The following SVEP1 variants were observed in gnomAD, a reference collection of about 807,000 sequenced individuals.
SVEP1 encodes sushi, von Willebrand factor type A, EGF and pentraxin domain-containing protein 1.
A neutral mutation model predicts 367.3 loss-of-function variants in SVEP1; 164 were observed. The observed-to-expected ratio is 0.45, with a 90% CI of 0.39 to 0.51. The LOEUF (loss-of-function observed/expected upper bound fraction) is 0.51, where lower values mean the gene tolerates loss of function less well. SVEP1 is among the 20% of genes least tolerant of loss of function. The probability of loss-of-function intolerance (pLI) is 0.00; values close to 1 mark genes in which losing one functional copy is unlikely to be tolerated. For synonymous variants in SVEP1, 1,666 were observed against 1,611.6 expected (o/e 1.03, Z -0.81); for missense variants, 4,117 against 4,425.3 (o/e 0.93, Z 1.98).
chr9:110,513,702 T>C (rs1829757588), intron 4 of SVEP1, among the ~76,000 whole-genome samples: 1 of 152,224 alleles, frequency 6.6e-6, no homozygotes, highest in Non-Finnish European at 1.5e-5. Flanking sequence ...TTCCAAGTAC[T>C]AAGCCTTTCT....
rs61998196 is a variant in SVEP1 at position 110,513,077 on chromosome 9, G to A, written c.1152C>T (p.Pro384=). 0.023 allele frequency: 36,733 copies of A among 1,613,786 alleles called. 678 individuals are homozygous for A. The highest frequency in any genetic ancestry group is 0.07 in the South Asian group (6,344 of 91,070). The change falls in exon 5 of 48, where the codon CCC becomes CCT. Residue 384 remains proline (P), a synonymous_variant. Coordinates refer to ENST00000374469, the MANE Select transcript of SVEP1 (RefSeq NM_153366.4). ...TGTTTTGGATAAAGTAACCATTTTC[G>A]GGAGGCTTCAGGGCAGGGCAGTGGA... ...ELVHCPALKP[P]ENGYFIQNTC...
Position 110,483,700 on chromosome 9 carries a change from A to C in SVEP1, c.1931-7T>G, listed in dbSNP as rs1829234018. ...ATGACAGGTGGTTCTGCATCTGAAG[A>C]ACATGAAATCAGACAAAGAAGTCAC... On this transcript the variant is annotated splice_region_variant and splice_polypyrimidine_tract_variant and intron_variant, in intron 9 of 47. Coordinates refer to ENST00000374469, the MANE Select transcript of SVEP1 (RefSeq NM_153366.4). 3.2e-6 allele frequency: 5 copies of C among 1,577,522 alleles called. No individual in the cohort carries two copies. The highest frequency in any genetic ancestry group is 4.3e-6 in the Non-Finnish European group (5 of 1,162,960).
intron 42 of SVEP1, 121 bp downstream of exon 42, chr9:110,387,164 A>G: frequency 1.0e-6 from 1 of 956,294 alleles, no homozygotes; most frequent in Non-Finnish European, 1.5e-6. Flanking sequence ...TTGGATAGGC[A>G]TTAATTGCTT....
At chr9:110,538,168 A>G (rs1348711961) in intron 3 of SVEP1, among the ~76,000 whole-genome samples, 1 of 152,010 alleles carries the variant, frequency 6.6e-6, no homozygotes, top group Non-Finnish European at 1.5e-5. Context: ...TGGAAAATGC[A>G]CTATCAGGGC....
Position 110,379,392 on chromosome 9 carries a change from C to T in SVEP1, c.10363G>A (p.Val3455Ile). The T allele has an allele frequency of 1.9e-6, 3 of 1,613,730 alleles. No homozygotes were observed. The highest frequency in any genetic ancestry group is 2.5e-6 in the Non-Finnish European group (3 of 1,179,754). ...GTCCATGTTCCATTTTCTAAACAAACACTCCTCAGGAAACCCTCCAACATG... is the reference window on the plus strand; with the variant it reads ...GTCCATGTTCCATTTTCTAAACAAATACTCCTCAGGAAACCCTCCAACATG... The part of the protein sequence containing the change: ...GYMLEGFLRS[V>I]CLENGTWTSP... Residue 3455 changes from valine (V) to isoleucine (I), a missense_variant, in exon 44 of 48, where the codon GTT becomes ATT. Around this residue, in one of 4 missense-constraint regions of SVEP1, gnomAD observed 1,765 missense variants for 1,781.1 expected, o/e 0.99. Transcript: ENST00000374469.
At chr9:110,377,494 C>T (rs765070479) in intron 44 of SVEP1, 128 bp from the exon 45 acceptor site, 11 of 767,980 alleles carry the variant, frequency 1.4e-5, no homozygotes, top group Middle Eastern at 2.4e-4. Flanking sequence ...AGACAAAAAT[C>T]GAATCTCAGG....
rs1828040245 is a variant in SVEP1, at chr9:110,411,272, C to T, written c.6439G>A (p.Gly2147Arg). 1.2e-6 allele frequency: 2 copies of T among 1,613,906 alleles called. No homozygotes were observed. Among genetic ancestry groups the T allele is most frequent in the Admixed American group, 1.7e-5 (1 of 59,992 alleles). The change falls in exon 37 of 48, where the codon GGA becomes AGA. Residue 2147 changes from glycine to arginine, a missense_variant. Gly to Arg is a moderately radical substitution (Grantham distance 125). Around this residue, in one of 4 missense-constraint regions of SVEP1, gnomAD observed 1,765 missense variants for 1,781.1 expected, o/e 0.99. Coordinates refer to ENST00000374469, the MANE Select transcript of SVEP1 (RefSeq NM_153366.4). ...CCATTCATGATGCTTGGTGGCTCTC[C>T]ACACCGCACAGGGATGCACTGGATG... The part of the protein sequence containing the change: ...MSIQCIPVRC[G>R]EPPSIMNGYA...
In SVEP1 at chr9:110,375,394, C is replaced by T. The variant is rs770134269; in HGVS notation, c.10574G>A (p.Gly3525Asp). Reference protein sequence around the residue: ...VAPYQCDCPPGWTGSRCHTAV... With the variant: ...VAPYQCDCPPDWTGSRCHTAV... ...TGTATGACAGCGAGACCCCGTCCAG[C>T]CAGGCGGGCAGTCACACTGGTAAGG... Residue 3525 changes from glycine (G) to aspartate (D), a missense_variant, in exon 46 of 48, where the codon GGC (glycine) becomes GAC (aspartate). Gly to Asp is a moderately conservative substitution (Grantham distance 94). Coordinates refer to ENST00000374469, the MANE Select transcript of SVEP1 (RefSeq NM_153366.4). 2 of 1,527,840 alleles carry T rather than the reference C, an allele frequency of 1.3e-6. No homozygotes were observed. The highest frequency in any genetic ancestry group is 1.8e-6 in the Non-Finnish European group (2 of 1,133,222). The allele number at this position is 1,527,840 out of a possible 1,614,324, so 94.6% of individuals were successfully genotyped here.
intron 1 of SVEP1, among the ~76,000 whole-genome samples, chr9:110,562,438 G>T (rs777708290): frequency 6.6e-6 from 1 of 152,054 alleles, no homozygotes; most frequent in Non-Finnish European, 1.5e-5. Context: ...AAAAATCAAA[G>T]ATATTAGAGA....
chr9:110,566,381 A>C (rs1374338290), intron 1 of SVEP1, among the ~76,000 whole-genome samples: 1 of 151,792 alleles, frequency 6.6e-6, no homozygotes, highest in African/African-American at 2.4e-5. Flanking sequence ...TAATAACCTA[A>C]GTAAGAAAGC....
At chr9:110,488,115 T>C (rs1829312004) in intron 9 of SVEP1, among the ~76,000 whole-genome samples, 1 of 152,218 alleles carries the variant, frequency 6.6e-6, no homozygotes, top group Non-Finnish European at 1.5e-5. Context: ...CAGCACCTGA[T>C]ACCTTCTTGG....
Position 110,512,996 on chromosome 9 carries a change from A to T in SVEP1, c.1233T>A (p.Asp411Glu). The T allele has an allele frequency of 6.2e-7, 1 of 1,614,006 alleles. No individual in the cohort carries two copies. Among genetic ancestry groups the T allele is most frequent in the Non-Finnish European group, 8.5e-7 (1 of 1,179,890 alleles). The change falls in exon 5 of 48, where the codon GAT becomes GAA. Residue 411 changes from aspartate to glutamate, a missense_variant. Around this residue, in one of 4 missense-constraint regions of SVEP1, gnomAD observed 2,174 missense variants for 2,494.3 expected, o/e 0.87. Transcript: ENST00000374469. ...ACGVRCHPGF[D>E]LVGSSIILCL... ...ATAAGATGATGCTGCTTCCCACAAG[A>T]TCAAATCCAGGGTGACATCGGACCC...
At chr9:110,437,949 T>A (rs1356463373) in intron 27 of SVEP1, among the ~76,000 whole-genome samples, 1 of 152,072 alleles carries the variant, frequency 6.6e-6, no homozygotes, top group East Asian at 1.9e-4. Context: ...CAGAAGAAAA[T>A]TTTTAAAATA....
chr9:110,382,980 C>T (rs59099810), intron 43 of SVEP1, among the ~76,000 whole-genome samples: 21,383 of 152,084 alleles, frequency 0.14, 1,622 homozygotes, highest in African/African-American at 0.18. Context: ...TGGTTCTTGG[C>T]GTCTTTGCAT....
chr9:110,567,329 C>T (rs1035566787), intron 1 of SVEP1, among the ~76,000 whole-genome samples: 2 of 152,132 alleles, frequency 1.3e-5, no homozygotes, highest in Non-Finnish European at 2.9e-5. Context: ...AGTATTTCCC[C>T]ACATTTTGGC....
rs144475955 is a variant in SVEP1 at position 110,556,558 on chromosome 9, G to T, written c.532-6454C>A. Among the ~76,000 whole-genome samples, 1,309 of 152,250 alleles carry T rather than the reference G, an allele frequency of 8.6e-3. 22 individuals are homozygous for T. The highest frequency in any genetic ancestry group is 0.03 in the African/African-American group (1,252 of 41,530). On this transcript the variant is annotated intron_variant, in intron 1 of 47. Transcript: ENST00000374469. ...CACCCAGGCTGGAGTGCAGTGGTGT[G>T]ATCTTGGCTCACTGCAACCTCCGCC...
chr9:110,431,501 G>A (rs1225630845), intron 32 of SVEP1, among the ~76,000 whole-genome samples: 2 of 152,174 alleles, frequency 1.3e-5, no homozygotes, highest in East Asian at 3.9e-4. Context: ...GAGGCAAGAT[G>A]TCTATTTTTT....
intron 3 of SVEP1, among the ~76,000 whole-genome samples, chr9:110,541,158 T>G (rs1676715162): frequency 6.6e-6 from 1 of 152,184 alleles, no homozygotes. Context: ...AAAACCCTTA[T>G]GGGCATTTCT....
intron 27 of SVEP1, among the ~76,000 whole-genome samples, chr9:110,439,115 C>A (rs1417775285): frequency 1.3e-5 from 2 of 152,184 alleles, no homozygotes; most frequent in Non-Finnish European, 2.9e-5. Flanking sequence ...TATGTTGAAG[C>A]CCTAACTCCC....
Sources: allele counts gnomAD v4.1 joint callset (sites outside exome capture counted in the v4.1 genomes callset), GRCh38; gene constraint gnomAD v4.1.1; regional missense constraint gnomAD v4.1.1; transcripts MANE v1.5; gene names NCBI Gene and HGNC (gene_info 2026-07-23, HGNC 2026-07-21).